Variants in MCHR2 observed in about 807,000 individuals in gnomAD.
MCHR2 encodes melanin-concentrating hormone receptor 2.
MCHR2 carries 15 observed loss-of-function variants against 24.8 expected under a neutral mutation model. The ratio of observed to expected loss-of-function variants is 0.60; its 90% confidence interval spans 0.40 to 0.93. MCHR2 has a LOEUF of 0.93. Among genes scored for constraint, MCHR2 ranks in the 40% least tolerant of loss-of-function variants. MCHR2 has a pLI of 0.00. For missense variants in MCHR2, 386 were observed against 408.7 expected, an observed-to-expected ratio of 0.94 and a Z score of 0.48; for synonymous variants, 151 against 147.6, an observed-to-expected ratio of 1.02 and a Z score of -0.17.
intron 1 of MCHR2, among the ~76,000 whole-genome samples, chr6:99,984,426 G>GT (rs1305090922): frequency 7.1e-5 from 2 of 27,990 alleles, no homozygotes; most frequent in Non-Finnish European, 1.5e-4. Flanking sequence ...CCGTCTTTTT[G>GT]TTTTTTAACA....
At chr6:99,963,655 A>G (rs1266114801) in intron 1 of MCHR2, among the ~76,000 whole-genome samples, 2 of 152,108 alleles carry the variant, frequency 1.3e-5, no homozygotes, top group African/African-American at 4.8e-5. Context: ...ATATCATGTT[A>G]TATGTTTTCT....
intron 1 of MCHR2, among the ~76,000 whole-genome samples, chr6:99,975,651 A>G (rs1775534622): frequency 6.6e-6 from 1 of 152,178 alleles, no homozygotes; most frequent in East Asian, 1.9e-4. Context: ...GAAATCACCC[A>G]TCTTCTGCGT....
At chr6:99,966,381 T>A (rs1239092006) in intron 1 of MCHR2, among the ~76,000 whole-genome samples, 1 of 152,216 alleles carries the variant, frequency 6.6e-6, no homozygotes, top group East Asian at 1.9e-4. Flanking sequence ...TATAATTTTG[T>A]GAATCCTTGT....
chr6:99,930,697 T>C (rs1774501197), intron 5 of MCHR2, among the ~76,000 whole-genome samples: 1 of 152,234 alleles, frequency 6.6e-6, no homozygotes, highest in South Asian at 2.1e-4. Flanking sequence ...CATCAGCTCC[T>C]TTAAGCACTT....
intron 5 of MCHR2, among the ~76,000 whole-genome samples, chr6:99,930,566 C>T (rs116413842): frequency 0.4 from 60,694 of 151,898 alleles, 12,818 homozygotes; most frequent in East Asian, 0.76. Flanking sequence ...CTAAACTTCC[C>T]TTTTGCTTCA....
chr6:99,924,107 T>G (rs2114484534), intron 5 of MCHR2, among the ~76,000 whole-genome samples: 1 of 152,228 alleles, frequency 6.6e-6, no homozygotes. Context: ...TCTGTTCAGA[T>G]TTTGGATTTC....
intron 1 of MCHR2, among the ~76,000 whole-genome samples, chr6:99,965,918 C>G (rs1775288804): frequency 6.6e-6 from 1 of 152,170 alleles, no homozygotes; most frequent in Non-Finnish European, 1.5e-5. Flanking sequence ...AGACTAATGG[C>G]TTCACATCAT....
chr6:99,966,025 C>T (rs566810534), intron 1 of MCHR2, among the ~76,000 whole-genome samples: 1 of 152,234 alleles, frequency 6.6e-6, no homozygotes, highest in South Asian at 2.1e-4. Flanking sequence ...TTATTGACAA[C>T]TCCCAGGCTA....
intron 5 of MCHR2, among the ~76,000 whole-genome samples, chr6:99,925,753 T>C (rs1205756417): frequency 6.6e-6 from 1 of 151,912 alleles, no homozygotes; most frequent in Non-Finnish European, 1.5e-5. Context: ...TATCTTATTG[T>C]ATTATCTATG....
At chr6:99,993,683 C>G (rs143956955) in intron 1 of MCHR2, among the ~76,000 whole-genome samples, 336 of 152,252 alleles carry the variant, frequency 2.2e-3, no homozygotes, top group African/African-American at 7.8e-3. Flanking sequence ...TTTCCATTTT[C>G]TTTGCCGAGT....
In MCHR2 at chr6:99,924,587, T is replaced by G. The variant is rs566851037; in HGVS notation, c.708-3332A>C. 2.0e-5 allele frequency among the ~76,000 whole-genome samples: 3 copies of G among 152,192 alleles called. No homozygotes were observed. In the East Asian group the frequency reaches 5.8e-4, roughly 29 times the overall value. On this transcript the variant is annotated intron_variant, in intron 5 of 5. Coordinates refer to ENST00000281806, the MANE Select transcript of MCHR2 (RefSeq NM_001040179.2). ...ACTGCTTTTGATGTATCCCATAGGT[T>G]TTGGTATGTTGTGTTTCCATTATCA... is the stretch of plus-strand genomic sequence containing the variant.
intron 1 of MCHR2, among the ~76,000 whole-genome samples, chr6:99,980,595 G>C (rs993808028): frequency 1.3e-5 from 2 of 152,038 alleles, no homozygotes; most frequent in African/African-American, 2.4e-5. Flanking sequence ...AAGTGCGTGA[G>C]AGTGAAAGAG....
At chr6:99,942,503 A>G in intron 4 of MCHR2, among the ~76,000 whole-genome samples, 1 of 152,164 alleles carries the variant, frequency 6.6e-6, no homozygotes, top group Non-Finnish European at 1.5e-5. Context: ...TTACATCTGA[A>G]AAAACCCTAT....
At position 99,957,132 on chromosome 6, in the gene MCHR2, C is replaced by T. The variant is rs377501580; in HGVS notation, c.-27-958G>A. On this transcript the variant is annotated intron_variant, in intron 1 of 5. Transcript: ENST00000281806. ...TGATTTAGAAGGCACTTATGGATGA[C>T]ATAACATTTGAAGTCTGGTTCCATG... Among the ~76,000 whole-genome samples, 18 of 152,184 alleles carry T rather than the reference C, an allele frequency of 1.2e-4. No individual in the cohort carries two copies. The South Asian group carries it at 2.1e-3, about 18-fold the overall frequency.
At chr6:99,943,715 C>A (rs6913266) in intron 3 of MCHR2, among the ~76,000 whole-genome samples, 17,811 of 152,136 alleles carry the variant, frequency 0.12, 1,119 homozygotes, top group African/African-American at 0.14. Context: ...CAATTCTTGA[C>A]CCTGCAAGTC....
At chr6:99,983,249 G>A (rs1775706024) in intron 1 of MCHR2, among the ~76,000 whole-genome samples, 1 of 152,178 alleles carries the variant, frequency 6.6e-6, no homozygotes. Flanking sequence ...GGGATTACAG[G>A]TGTGAACCAC....
chr6:99,921,870 T>C (rs1478851712), intron 5 of MCHR2, among the ~76,000 whole-genome samples: 1 of 152,220 alleles, frequency 6.6e-6, no homozygotes, highest in Non-Finnish European at 1.5e-5. Context: ...TGTGAGAACA[T>C]GTGATGTTTG....
intron 1 of MCHR2, among the ~76,000 whole-genome samples, chr6:99,957,456 T>C (rs902880995): frequency 1.3e-5 from 2 of 152,154 alleles, no homozygotes; most frequent in African/African-American, 2.4e-5. Flanking sequence ...ACTTTGATAA[T>C]TGAATCTCCC....
At chr6:99,980,063 G>T (rs1775634597) in intron 1 of MCHR2, among the ~76,000 whole-genome samples, 2 of 152,136 alleles carry the variant, frequency 1.3e-5, no homozygotes, top group South Asian at 2.1e-4. Flanking sequence ...GCTTGTTAAA[G>T]ATCTTTGTTT....
Sources: gnomAD v4.1 joint callset for allele counts (sites outside exome capture counted in the v4.1 genomes callset) on GRCh38, gnomAD v4.1.1 for gene constraint, MANE v1.5 for transcripts, NCBI Gene and HGNC (gene_info 2026-07-23, HGNC 2026-07-21) for gene names.